The following SRCIN1 variants were observed in gnomAD, a reference collection of about 807,000 sequenced individuals.
The protein encoded by SRCIN1 is SRC kinase signaling inhibitor 1, also known as P130Cas-associated protein.
A neutral mutation model predicts 116.2 loss-of-function variants in SRCIN1; 50 were observed. That is an observed-to-expected ratio of 0.43 (90% CI 0.34 to 0.54). The LOEUF (loss-of-function observed/expected upper bound fraction) is 0.54, where lower values mean the gene tolerates loss of function less well. SRCIN1 is among the 20% of genes least tolerant of loss of function. The probability of loss-of-function intolerance (pLI) is 0.02; values close to 1 mark genes in which losing one functional copy is unlikely to be tolerated. For missense variants in SRCIN1, 1,446 were observed against 1,672.0 expected, an observed-to-expected ratio of 0.86 and a Z score of 2.36; for synonymous variants, 736 against 750.0, an observed-to-expected ratio of 0.98 and a Z score of 0.30.
At chr17:38,583,525 T>C (rs1329711814) in intron 1 of SRCIN1, among the ~76,000 whole-genome samples, 5 of 151,432 alleles carry the variant, frequency 3.3e-5, no homozygotes, top group Admixed American at 2.6e-4. Context: ...AGAAAGTAGG[T>C]TGTTTTCTTT....
rs116276691 is a variant in SRCIN1, at chr17:38,556,105, C to T, written c.2201+2122G>A. Among the ~76,000 whole-genome samples the T allele has an allele frequency of 8.0e-3, 1,226 of 152,330 alleles. 13 individuals are homozygous for T. Among genetic ancestry groups the T allele is most frequent in the African/African-American group, 0.028 (1,169 of 41,572 alleles). On this transcript the variant is annotated intron_variant, in intron 11 of 18. Transcript: ENST00000617146. ...TGGATTAAAATGTGGCTAGGCTTTC[C>T]AAGCCCAGGTTTAGTCCTGGAGGGG...
chr17:38,585,552 G>A lies in SRCIN1; in HGVS notation c.23-6761C>T, dbSNP rs187723767. On this transcript the variant is annotated intron_variant, in intron 1 of 18. Coordinates refer to ENST00000617146, the MANE Select transcript of SRCIN1 (RefSeq NM_025248.3). The surrounding 1 kb of genome is among the most constrained non-coding windows in gnomAD (Gnocchi z 4.2). ...ATCCTTTGCTTCCCCTGCTAGTGAA[G>A]GAATCGGCCTCCCTGTCCCTGGGTG... is the stretch of plus-strand genomic sequence containing the variant. Among the ~76,000 whole-genome samples, 43 of 152,270 alleles carry A rather than the reference G, an allele frequency of 2.8e-4. No homozygotes were observed. The East Asian group carries it at 8.3e-3, about 29-fold the overall frequency.
intron 18 of SRCIN1, among the ~76,000 whole-genome samples, chr17:38,535,103 G>T (rs935546618): frequency 6.6e-6 from 1 of 152,070 alleles, no homozygotes; most frequent in Non-Finnish European, 1.5e-5. Flanking sequence ...CTGCACTCCA[G>T]CCTGGGTGAC....
At position 38,571,365 on chromosome 17, in the gene SRCIN1, G is replaced by A. The variant is rs1314979769; in HGVS notation, c.325-3134C>T. Among the ~76,000 whole-genome samples, 5 of 152,152 alleles carry A rather than the reference G, an allele frequency of 3.3e-5. 1 individual carries two copies. Among genetic ancestry groups the A allele is most frequent in the South Asian group, 4.1e-4 (2 of 4,834 alleles). The stretch of plus-strand genomic sequence containing the variant: ...GAATGAATGTCAATAAAATAGGACC[G>A]AGCCATGGGTGGAGGGTGGGATCTC... On this transcript the variant is annotated intron_variant, in intron 2 of 18. Coordinates refer to ENST00000617146, the MANE Select transcript of SRCIN1 (RefSeq NM_025248.3).
chr17:38,537,959 G>C (rs971130262), intron 18 of SRCIN1, among the ~76,000 whole-genome samples: 5 of 150,848 alleles, frequency 3.3e-5, no homozygotes, highest in African/African-American at 4.9e-5. Flanking sequence ...AATTAGCTGG[G>C]GGCAGTGGCA....
At position 38,549,101 on chromosome 17, in the gene SRCIN1, G is replaced by A. The variant is rs750358715; in HGVS notation, c.3072C>T (p.Thr1024=). ...TCTTGCTGGTGACCACCACCTCTCC[G>A]GTACGTGTGGTGGTCAGGCCATGGG... ...PSSHGLTTTR[T]GEVVVTSKKD... The change falls in exon 16 of 19, where the codon ACC becomes ACT. Residue 1024 remains threonine, a synonymous_variant. Coordinates refer to ENST00000617146, the MANE Select transcript of SRCIN1 (RefSeq NM_025248.3). The A allele has an allele frequency of 9.9e-6, 16 of 1,612,188 alleles. No homozygotes were observed. Among genetic ancestry groups the A allele is most frequent in the South Asian group, 4.4e-5 (4 of 90,984 alleles).
At chr17:38,540,740 GGTGTGTGTGTGTGT>G (rs151164930) in intron 18 of SRCIN1, among the ~76,000 whole-genome samples, 1 of 146,760 alleles carries the variant, frequency 6.8e-6, no homozygotes, top group African/African-American at 2.5e-5. Context: ...AGCTGGCAGG[GGTGTGTGTGTGTGT>G]GTGTGTGTGT....
intron 2 of SRCIN1, among the ~76,000 whole-genome samples, chr17:38,577,507 C>T (rs1255913460): frequency 6.6e-6 from 1 of 152,168 alleles, no homozygotes; most frequent in Admixed American, 6.5e-5. Context: ...TCCTCCCCAT[C>T]CCCAGCTACA....
chr17:38,590,377 A>C (rs952971582), intron 1 of SRCIN1, among the ~76,000 whole-genome samples: 1 of 152,206 alleles, frequency 6.6e-6, no homozygotes, highest in Non-Finnish European at 1.5e-5. Flanking sequence ...CTGGGACTAC[A>C]GGCCCGTGCC....
At chr17:38,603,724 G>A (rs549944298) in intron 1 of SRCIN1, among the ~76,000 whole-genome samples, 5 of 152,050 alleles carry the variant, frequency 3.3e-5, no homozygotes, top group Non-Finnish European at 7.4e-5. Flanking sequence ...CAGGCAGTCT[G>A]GGTGGGGACA....
chr17:38,558,534 T>C lies in SRCIN1; in HGVS notation c.2026-132A>G. 1.1e-6 allele frequency: 1 copy of C among 927,506 alleles called. No homozygotes were observed. Among genetic ancestry groups the C allele is most frequent in the Non-Finnish European group, 1.5e-6 (1 of 661,548 alleles). The allele number at this position is 927,506 out of a possible 1,614,324, so 57.5% of individuals were successfully genotyped here. A position where few individuals can be genotyped will look rare whatever the true frequency, so the allele number is the denominator to read the frequency against. ...TCTGCAGAAGAAGCGGCTGCTTGGC[T>C]CCGCCTCAGGCAGCAGCGAAGGGGT... On this transcript the variant is annotated intron_variant, in intron 10 of 18. Transcript: ENST00000617146. This position sits in a 1 kb window ranked among gnomAD's most constrained non-coding sequence, Gnocchi z 4.6.
chr17:38,574,775 AAAT>A (rs1907299888), intron 2 of SRCIN1: 1 of 399,700 alleles, frequency 2.5e-6, no homozygotes, highest in African/African-American at 2.1e-5. Flanking sequence ...AAAGGTTGCA[AAAT>A]AAAAGTCCTG....
intron 3 of SRCIN1, among the ~76,000 whole-genome samples, chr17:38,564,517 C>A (rs955329973): frequency 6.6e-6 from 1 of 152,084 alleles, no homozygotes; most frequent in African/African-American, 2.4e-5. Context: ...CCCTGGGACA[C>A]CCGGCAGGTA....
Position 38,549,888 on chromosome 17 carries a change from C to T in SRCIN1, c.2963-678G>A, listed in dbSNP as rs558673958. Among the ~76,000 whole-genome samples the T allele has an allele frequency of 1.1e-3, 172 of 152,328 alleles. 1 individual carries two copies. Among genetic ancestry groups the T allele is most frequent in the African/African-American group, 3.8e-3 (157 of 41,570 alleles). On this transcript the variant is annotated intron_variant, in intron 15 of 18. Coordinates refer to ENST00000617146, the MANE Select transcript of SRCIN1 (RefSeq NM_025248.3). ...CTGTTCAGGCCATGCCACACACACACCTTCAGGCGTTTGCACACGCTGTTC... is the reference window on the plus strand; with the variant it reads ...CTGTTCAGGCCATGCCACACACACATCTTCAGGCGTTTGCACACGCTGTTC...
chr17:38,543,819 T>G lies in SRCIN1; in HGVS notation c.3417+4A>C. ...TGGGTGGCCCCCACAGTCCCCGCCC[T>G]CACCTGCTGCTGGGCCTGGATCCGC... On this transcript the variant is annotated splice_donor_region_variant and intron_variant, in intron 18 of 18. Transcript: ENST00000617146. 6.2e-7 allele frequency: 1 copy of G among 1,604,702 alleles called. No individual in the cohort carries two copies. Among genetic ancestry groups the G allele is most frequent in the Middle Eastern group, 1.7e-4 (1 of 5,930 alleles).
intron 1 of SRCIN1, among the ~76,000 whole-genome samples, chr17:38,583,548 G>GTTTTTTTTTTTTTTTTTTTTTTTT (rs10691272): frequency 2.9e-5 from 3 of 104,288 alleles, no homozygotes; most frequent in Non-Finnish European, 5.9e-5. Context: ...TTCATTTTCT[G>GTTTTTTTTTTTTTTTTTTTTTTTT]TTTTTTTTTT....
chr17:38,573,467 C>T (rs1907222059), intron 2 of SRCIN1, among the ~76,000 whole-genome samples: 1 of 152,196 alleles, frequency 6.6e-6, no homozygotes, highest in Non-Finnish European at 1.5e-5. Context: ...ATCCTATGCA[C>T]AGACACTTTC....
Position 38,551,139 on chromosome 17 carries a change from C to T in SRCIN1, c.2962+16G>A. On this transcript the variant is annotated intron_variant, in intron 15 of 18. Coordinates refer to ENST00000617146, the MANE Select transcript of SRCIN1 (RefSeq NM_025248.3). ...CCCCACGCTGGGCTCCTTACCAGCC[C>T]TACTACTCCCCATACCTGAGCCCCT... The T allele has an allele frequency of 1.5e-6, 2 of 1,306,300 alleles. No homozygotes were observed. The highest frequency in any genetic ancestry group is 1.1e-6 in the Non-Finnish European group (1 of 940,504). 80.9% of individuals were successfully genotyped at this position (1,306,300 alleles called of 1,614,324 possible). A position where few individuals can be genotyped will look rare whatever the true frequency, so the allele number is the denominator to read the frequency against.
At chr17:38,560,250 A>T in intron 8 of SRCIN1, 83 bp downstream of exon 8, 1 of 1,453,204 alleles carries the variant, frequency 6.9e-7, no homozygotes, top group Non-Finnish European at 9.4e-7. Context: ...ACCCAGTGAG[A>T]CACTGGCAGA....
Sources: gnomAD v4.1 joint callset for allele counts (sites outside exome capture counted in the v4.1 genomes callset) on GRCh38, gnomAD v4.1.1 for gene constraint, Gnocchi (gnomAD v3.1) non-coding constraint, MANE v1.5 for transcripts, NCBI Gene and HGNC (gene_info 2026-07-23, HGNC 2026-07-21) for gene names.